Variants in UNC79 observed in about 807,000 individuals in gnomAD.
UNC79 encodes protein unc-79 homolog.
In UNC79, 37 loss-of-function variants were observed where a neutral mutation model predicts 283.1. The ratio of observed to expected loss-of-function variants is 0.13; its 90% CI spans 0.10 to 0.17. UNC79 has a LOEUF of 0.17. Among genes scored for constraint, UNC79 ranks in the 10% least tolerant of loss-of-function variants. The probability of loss-of-function intolerance (pLI) is 1.00; values close to 1 mark genes in which losing one functional copy is unlikely to be tolerated. For synonymous variants in UNC79, 1,107 were observed against 1,200.2 expected, an observed-to-expected ratio of 0.92 and a Z score of 1.61; for missense variants, 2,272 against 3,211.1, an observed-to-expected ratio of 0.71 and a Z score of 7.07.
chr14:93,375,744 A>G (rs2054542487), intron 1 of UNC79, among the ~76,000 whole-genome samples: 2 of 152,172 alleles, frequency 1.3e-5, no homozygotes, highest in Admixed American at 1.3e-4. Flanking sequence ...TGAGAGCTCT[A>G]TCACGGGAAC....
intron 26 of UNC79, among the ~76,000 whole-genome samples, chr14:93,608,867 T>C (rs1052214937): frequency 5.3e-5 from 8 of 152,228 alleles, no homozygotes; most frequent in African/African-American, 1.9e-4. Context: ...CATTTATGTA[T>C]AATAAGTATC....
intron 1 of UNC79, among the ~76,000 whole-genome samples, chr14:93,422,523 C>T (rs566405299): frequency 6.6e-6 from 1 of 152,082 alleles, no homozygotes; most frequent in Non-Finnish European, 1.5e-5. Context: ...CCTCCATTCC[C>T]ATCACGTTCT....
intron 1 of UNC79, among the ~76,000 whole-genome samples, chr14:93,424,682 G>A (rs535620319): frequency 6.6e-6 from 1 of 151,948 alleles, no homozygotes; most frequent in South Asian, 2.1e-4. Context: ...CATAGAGATA[G>A]AGAGTAGAAG....
At chr14:93,480,204 GT>G (rs1279019939) in intron 4 of UNC79, among the ~76,000 whole-genome samples, 6 of 152,160 alleles carry the variant, frequency 3.9e-5, no homozygotes. Flanking sequence ...AAAACAGTAA[GT>G]TGAGTTTACA....
chr14:93,337,354 C>A (rs1167191105), intron 1 of UNC79, among the ~76,000 whole-genome samples: 2 of 152,240 alleles, frequency 1.3e-5, no homozygotes, highest in Non-Finnish European at 2.9e-5. Flanking sequence ...GTAACTTATT[C>A]TTCCTTGACA....
intron 1 of UNC79, among the ~76,000 whole-genome samples, chr14:93,364,365 G>C (rs1166036859): frequency 6.6e-6 from 1 of 151,908 alleles, no homozygotes; most frequent in African/African-American, 2.4e-5. Context: ...TATTACCTCT[G>C]ACTTGCTTTG....
exon 2 of UNC79, chr14:93,467,749 A>C: frequency 6.7e-7 from 1 of 1,501,594 alleles, no homozygotes; most frequent in Non-Finnish European, 8.8e-7. Flanking sequence ...TCAGGAACAG[A>C]TATTGCAAAC....
chr14:93,356,576 G>C (rs1316844609), intron 1 of UNC79, among the ~76,000 whole-genome samples: 1 of 152,168 alleles, frequency 6.6e-6, no homozygotes, highest in African/African-American at 2.4e-5. Flanking sequence ...TCAGAGTTTT[G>C]CAGTTCTTCA....
At chr14:93,682,527 A>T in intron 41 of UNC79, 90 bp from the exon 45 acceptor site, 1 of 1,123,848 alleles carries the variant, frequency 8.9e-7, no homozygotes, top group Non-Finnish European at 1.3e-6. Flanking sequence ...AATAAACACT[A>T]ATTAATTTAA....
intron 7 of UNC79, among the ~76,000 whole-genome samples, chr14:93,514,235 A>G (rs1208722590): frequency 2.6e-5 from 4 of 152,240 alleles, no homozygotes; most frequent in African/African-American, 4.8e-5. Context: ...CATTTCTAAT[A>G]TCAGAAAGGA....
chr14:93,536,003 C>T (rs531277279), intron 11 of UNC79, among the ~76,000 whole-genome samples: 1 of 152,166 alleles, frequency 6.6e-6, no homozygotes, highest in African/African-American at 2.4e-5. Flanking sequence ...CCAAGATCTT[C>T]TCATCAAAAT....
intron 7 of UNC79, among the ~76,000 whole-genome samples, chr14:93,517,947 C>G (rs1455963687): frequency 6.7e-6 from 1 of 148,996 alleles, no homozygotes; most frequent in African/African-American, 2.5e-5. Flanking sequence ...GTGTGAAATG[C>G]AATCTTGCAT....
At chr14:93,707,228 C>T (rs919646660), downstream of UNC79, 5 of 251,032 alleles carry the variant, frequency 2.0e-5, no homozygotes, top group African/African-American at 8.9e-5. Flanking sequence ...TATAAGTCCC[C>T]CTGTTGCTAT....
In UNC79 at chr14:93,447,811, C is replaced by T. The variant is rs145003469; in HGVS notation, c.22+16760C>T. 8.9e-3 allele frequency among the ~76,000 whole-genome samples: 1,348 copies of T among 151,850 alleles called. 66 individuals are homozygous for T. Among genetic ancestry groups the T allele is most frequent in the Admixed American group, 0.08 (1,227 of 15,246 alleles). ...TTTGAGTACTTTAAAAATGTTATTC[C>T]CTCTGGCCTTCTTGGTTTCAGAGGT... On this transcript the variant is annotated intron_variant, in intron 1 of 48. Transcript: ENST00000555664.
chr14:93,630,844 A>C, exon 31 of UNC79: 7 of 1,614,050 alleles, frequency 4.3e-6, no homozygotes, highest in East Asian at 4.5e-5. Context: ...TGCCACGAGA[A>C]TCTTCATCTG....
chr14:93,334,143 A>G (rs144391741), intron 1 of UNC79, among the ~76,000 whole-genome samples: 184 of 152,346 alleles, frequency 1.2e-3, no homozygotes, highest in African/African-American at 4.3e-3. Flanking sequence ...GTTTTTAACC[A>G]TCTCTTGACC....
intron 33 of UNC79, 96 bp downstream of exon 36, chr14:93,641,343 T>G (rs2069015001): frequency 1.6e-6 from 2 of 1,235,558 alleles, no homozygotes; most frequent in South Asian, 2.9e-5. Flanking sequence ...TGCTTTGCTT[T>G]TAAGTCATAA....
intron 11 of UNC79, among the ~76,000 whole-genome samples, chr14:93,534,305 A>G (rs2060964665): frequency 6.6e-6 from 1 of 152,224 alleles, no homozygotes; most frequent in Admixed American, 6.5e-5. Flanking sequence ...GAAATGGTCC[A>G]TGTTGCAGCT....
intron 1 of UNC79, among the ~76,000 whole-genome samples, chr14:93,454,484 C>T (rs1175025305): frequency 6.6e-6 from 1 of 152,144 alleles, no homozygotes; most frequent in East Asian, 1.9e-4. Flanking sequence ...GGGGTCACAG[C>T]TAGTTCAAGT....
Sources: allele counts gnomAD v4.1 joint callset (sites outside exome capture counted in the v4.1 genomes callset), GRCh38; gene constraint gnomAD v4.1.1; transcripts MANE v1.5; gene names NCBI Gene and HGNC (gene_info 2026-07-23, HGNC 2026-07-21).